The following CLEC12B variants were observed in gnomAD, a reference collection of about 807,000 sequenced individuals.
The protein encoded by CLEC12B is C-type lectin domain family 12 member B.
In CLEC12B, 25 loss-of-function variants were observed where a neutral mutation model predicts 36.1. That is an observed-to-expected ratio of 0.69 (90% confidence interval 0.50 to 0.97). The LOEUF is 0.97. Among genes scored for constraint, CLEC12B ranks in the 50% least tolerant of loss-of-function variants. The pLI, the probability that CLEC12B is intolerant of heterozygous loss-of-function variation, is 0.00. For synonymous variants in CLEC12B, 110 were observed against 108.5 expected, an observed-to-expected ratio of 1.01 and a Z score of -0.09; for missense variants, 325 against 318.4, an observed-to-expected ratio of 1.02 and a Z score of -0.16.
In CLEC12B at chr12:10,015,662, A is replaced by C; in HGVS notation, c.615A>C (p.Gly205=). 1 of 1,613,610 alleles carries C rather than the reference A, an allele frequency of 6.2e-7. No individual in the cohort carries two copies. Among genetic ancestry groups the C allele is most frequent in the South Asian group, 1.1e-5 (1 of 91,066 alleles). ...TCATGTTTTCGTTCTTTTGGCTGGG[A>C]TTATCATGGGACTCCTCTGGCAGAA... The part of the protein sequence containing the change: ...PLLMFSFFWL[G]LSWDSSGRSW... The change falls in exon 5 of 6, where the codon GGA becomes GGC. Residue 205 remains glycine, a synonymous_variant. Transcript: ENST00000338896.
chr12:10,018,565 A>G lies in CLEC12B; in HGVS notation c.*84A>G, dbSNP rs1372442685. ...AAGAGGAAACTACGGTACCAGAGCC[A>G]AACCAGCTTTTAAAATGACTGTGTA... On this transcript the variant is annotated 3_prime_UTR_variant, in exon 6 of 6. Coordinates refer to ENST00000338896, the MANE Select transcript of CLEC12B (RefSeq NM_001129998.3). The G allele has an allele frequency of 2.8e-5, 32 of 1,125,416 alleles. No individual in the cohort carries two copies. The highest frequency in any genetic ancestry group is 1.3e-6 in the Non-Finnish European group (1 of 790,070). The allele number at this position is 1,125,416 out of a possible 1,614,324, so 69.7% of individuals were successfully genotyped here.
intron 2 of CLEC12B, 31 bp downstream of exon 2, chr12:10,012,914 G>T: frequency 6.7e-7 from 1 of 1,482,394 alleles, no homozygotes; most frequent in Non-Finnish European, 9.4e-7. Flanking sequence ...CCCAACAAAG[G>T]CAACTAGAAA....
chr12:10,013,374 G>A (rs773749316), intron 2 of CLEC12B: 6 of 173,348 alleles, frequency 3.5e-5, no homozygotes, highest in Admixed American at 1.3e-4. Context: ...TATAAACAAA[G>A]AGGAAGAGTG....
chr12:10,012,511 A>G (rs569729621), intron 1 of CLEC12B, among the ~76,000 whole-genome samples: 2 of 152,200 alleles, frequency 1.3e-5, no homozygotes, highest in East Asian at 1.9e-4. Context: ...TTAACTCGTC[A>G]TTTAGCATTA....
upstream of CLEC12B, among the ~76,000 whole-genome samples, chr12:10,010,173 CTCTCTCTGTCTCTCTCTG>C (rs1481352314): frequency 1.7e-5 from 2 of 117,076 alleles, no homozygotes; most frequent in South Asian, 2.9e-4. Context: ...CTCTGTCTCT[CTCTCTCTGTCTCTCTCTG>C]TCTCTCTCTC....
At chr12:10,015,578 T>G (rs2137274425) in intron 4 of CLEC12B, 34 bp from the exon 5 acceptor site, 2 of 1,612,576 alleles carry the variant, frequency 1.2e-6, no homozygotes, top group East Asian at 4.5e-5. Context: ...AATGTGGCGC[T>G]CACGTAAAAC....
chr12:10,010,987 G>A (rs1442965449), intron 1 of CLEC12B, 137 bp downstream of exon 1: 1 of 560,818 alleles, frequency 1.8e-6, no homozygotes, highest in Non-Finnish European at 3.2e-6. Flanking sequence ...GTTGTGGAAT[G>A]TATTAGAAAA....
chr12:10,010,298 GTC>G (rs1383012248), upstream of CLEC12B, among the ~76,000 whole-genome samples: 3 of 151,960 alleles, frequency 2.0e-5, no homozygotes, highest in Non-Finnish European at 2.9e-5. Context: ...CTTAATGTGT[GTC>G]TCTCTGCTTA....
Position 10,012,865 on chromosome 12 carries a change from G to GGA in CLEC12B, c.172_173insGA (p.Val58GlyfsTer2), listed in dbSNP as rs767666363. 1.1e-5 allele frequency: 18 copies of GGA among 1,613,006 alleles called. No homozygotes were observed. In the African/African-American group the frequency reaches 2.1e-4, roughly 19 times the overall value. On this transcript the variant is annotated frameshift_variant, in exon 2 of 6. Coordinates refer to ENST00000338896, the MANE Select transcript of CLEC12B (RefSeq NM_001129998.3). LOFTEE classifies it high-confidence loss of function. ...TTGCCTGATGTTGCTGATTGGGCTG[G>GGA]TGACATTGGGGATGATGTGTAAGTA...
upstream of CLEC12B, among the ~76,000 whole-genome samples, chr12:10,007,215 G>A (rs534851893): frequency 1.5e-4 from 23 of 152,002 alleles, no homozygotes; most frequent in African/African-American, 5.1e-4. Flanking sequence ...ATGGTGTTAC[G>A]GTGAACAAAA....
At chr12:10,017,359 T>C (rs1565582036) in intron 5 of CLEC12B, 1 of 985,314 alleles carries the variant, frequency 1.0e-6, no homozygotes, top group African/African-American at 1.7e-5. Context: ...ACTGAGGGTT[T>C]CCAGGAGTAG....
upstream of CLEC12B, among the ~76,000 whole-genome samples, chr12:10,008,813 T>C (rs952185240): frequency 4.6e-5 from 7 of 152,296 alleles, no homozygotes; most frequent in East Asian, 9.6e-4. Flanking sequence ...GTTAATACTT[T>C]GTTAGGAAGC....
intron 4 of CLEC12B, 62 bp downstream of exon 4, chr12:10,015,468 A>T: frequency 6.4e-7 from 1 of 1,565,794 alleles, no homozygotes; most frequent in Middle Eastern, 1.7e-4. Flanking sequence ...AGAAATAAAT[A>T]AAACATCTGA....
intron 1 of CLEC12B, among the ~76,000 whole-genome samples, chr12:10,012,325 G>T (rs574400600): frequency 6.6e-6 from 1 of 152,124 alleles, no homozygotes; most frequent in African/African-American, 2.4e-5. Flanking sequence ...TCTCATTTAT[G>T]AATTCAATAA....
rs1413408275 is a variant in CLEC12B, at chr12:10,015,648, T to C, written c.601T>C (p.Phe201Leu). ...GTCACAGCCATTACTCATGTTTTCG[T>C]TCTTTTGGCTGGGATTATCATGGGA... ...LMSQPLLMFSFFWLGLSWDSS... is the reference protein window; with the variant it reads ...LMSQPLLMFSLFWLGLSWDSS... Residue 201 changes from phenylalanine (F) to leucine (L), a missense_variant, in exon 5 of 6, where the codon TTC becomes CTC. Physicochemically the swap from Phe to Leu is conservative, Grantham distance 22 (BLOSUM62 0). Coordinates refer to ENST00000338896, the MANE Select transcript of CLEC12B (RefSeq NM_001129998.3). 6.2e-7 allele frequency: 1 copy of C among 1,613,798 alleles called. No individual in the cohort carries two copies.
chr12:10,012,409 T>G (rs1196878191), intron 1 of CLEC12B, among the ~76,000 whole-genome samples: 1 of 152,150 alleles, frequency 6.6e-6, no homozygotes, highest in Non-Finnish European at 1.5e-5. Context: ...TTTTATTTTA[T>G]TATTATTATA....
rs1321850514 is a variant in CLEC12B, at chr12:10,010,781, G to A, written c.22G>A (p.Ala8Thr). The change falls in exon 1 of 6, where the codon GCG becomes ACG. Residue 8 changes from alanine (A) to threonine (T), a missense_variant. Coordinates refer to ENST00000338896, the MANE Select transcript of CLEC12B (RefSeq NM_001129998.3). MSEEVTY[A>T]TLTFQDSAGA... ...TACAATGTCTGAAGAAGTGACCTAC[G>A]CGACACTCACATTTCAGGATTCTGC... is the stretch of plus-strand genomic sequence containing the variant. 3.7e-6 allele frequency: 6 copies of A among 1,607,350 alleles called. No individual in the cohort carries two copies. Among genetic ancestry groups the A allele is most frequent in the Admixed American group, 1.7e-5 (1 of 59,968 alleles).
intron 5 of CLEC12B, chr12:10,016,823 A>T (rs1041528798): frequency 4.9e-5 from 10 of 204,162 alleles, no homozygotes; most frequent in Non-Finnish European, 7.8e-5. Flanking sequence ...ACAGTAGATT[A>T]TTGTTAATTG....
upstream of CLEC12B, among the ~76,000 whole-genome samples, chr12:10,007,208 G>A (rs963112886): frequency 6.6e-6 from 1 of 152,060 alleles, no homozygotes; most frequent in Non-Finnish European, 1.5e-5. Flanking sequence ...CATGTGTATG[G>A]TGTTACGGTG....
Sources: gnomAD v4.1 joint callset for allele counts (sites outside exome capture counted in the v4.1 genomes callset) on GRCh38, gnomAD v4.1.1 for gene constraint, MANE v1.5 for transcripts, NCBI Gene and HGNC (gene_info 2026-07-23, HGNC 2026-07-21) for gene names.